NRXN1: variants seen among roughly 807,000 people sequenced by gnomAD.
NRXN1 encodes neurexin-1.
In NRXN1, 39 loss-of-function variants were observed where a neutral mutation model predicts 150.9. That is an observed-to-expected ratio of 0.26 (90% CI 0.20 to 0.34). The LOEUF (loss-of-function observed/expected upper bound fraction) is 0.34, where lower values mean the gene tolerates loss of function less well. Ranked by LOEUF, NRXN1 falls within the 10% of genes least tolerant of loss-of-function variation. The pLI, the probability that NRXN1 is intolerant of heterozygous loss-of-function variation, is 1.00. For missense variants in NRXN1, 1,815 were observed against 1,949.9 expected (o/e 0.93, Z 1.30); for synonymous variants, 924 against 757.0 (o/e 1.22, Z -3.62).
intron 21 of NRXN1, among the ~76,000 whole-genome samples, chr2:50,026,859 CTTTT>C (rs57580154): frequency 1.5e-4 from 10 of 65,230 alleles, no homozygotes; most frequent in African/African-American, 4.5e-4. Context: ...CTTTTCTTTT[CTTTT>C]TTTTTTTTTT....
At chr2:50,903,423 G>A (rs1574883053) in intron 5 of NRXN1, among the ~76,000 whole-genome samples, 2 of 152,108 alleles carry the variant, frequency 1.3e-5, no homozygotes, top group Admixed American at 1.3e-4. Flanking sequence ...CTATTATGTT[G>A]ATGGTCTTGG....
At chr2:50,909,031 G>A (rs909935295) in intron 5 of NRXN1, among the ~76,000 whole-genome samples, 1 of 151,948 alleles carries the variant, frequency 6.6e-6, no homozygotes, top group Non-Finnish European at 1.5e-5. Flanking sequence ...AATAAAGATG[G>A]GGTGGAGAAA....
chr2:50,325,102 A>G (rs1369390822), intron 17 of NRXN1, among the ~76,000 whole-genome samples: 1 of 152,212 alleles, frequency 6.6e-6, no homozygotes, highest in African/African-American at 2.4e-5. Flanking sequence ...AGAAGACCTA[A>G]CATTAAATTT....
intron 21 of NRXN1, among the ~76,000 whole-genome samples, chr2:50,009,861 C>T (rs748211872): frequency 2.0e-5 from 3 of 152,080 alleles, no homozygotes; most frequent in African/African-American, 7.2e-5. Context: ...TGCATAACTA[C>T]TGTAATCAAT....
chr2:49,992,412 C>CAAACAAAG (rs1429650858), intron 21 of NRXN1, among the ~76,000 whole-genome samples: 1 of 150,522 alleles, frequency 6.6e-6, no homozygotes, highest in Non-Finnish European at 1.5e-5. Context: ...CAAAAACAAA[C>CAAACAAAG]AAACAAACAA....
intron 19 of NRXN1, among the ~76,000 whole-genome samples, chr2:50,085,247 G>C (rs1698616504): frequency 6.6e-6 from 1 of 152,098 alleles, no homozygotes; most frequent in Admixed American, 6.6e-5. Flanking sequence ...GTTTAAGGAG[G>C]GATGTTGATT....
intron 19 of NRXN1, among the ~76,000 whole-genome samples, chr2:50,075,677 T>C (rs531373088): frequency 8.5e-5 from 13 of 152,350 alleles, no homozygotes; most frequent in African/African-American, 2.4e-4. Flanking sequence ...GTTTGAATGA[T>C]AATTTTTATG....
At chr2:50,349,477 C>T (rs2078263351) in intron 17 of NRXN1, among the ~76,000 whole-genome samples, 1 of 152,188 alleles carries the variant, frequency 6.6e-6, no homozygotes, top group African/African-American at 2.4e-5. Flanking sequence ...TTCAGGACTG[C>T]AGGTCCATAT....
At chr2:50,075,298 A>G (rs72891424) in intron 19 of NRXN1, among the ~76,000 whole-genome samples, 10,395 of 152,292 alleles carry the variant, frequency 0.068, 396 homozygotes, top group African/African-American at 0.1. Context: ...AGCAATTTTA[A>G]AAAGATAAAC....
intron 18 of NRXN1, among the ~76,000 whole-genome samples, chr2:50,217,615 C>G (rs958624077): frequency 6.6e-6 from 1 of 151,902 alleles, no homozygotes; most frequent in Non-Finnish European, 1.5e-5. Context: ...CGAATTATAA[C>G]AGGGGACCTA....
intron 12 of NRXN1, among the ~76,000 whole-genome samples, chr2:50,515,600 G>GGGGTGT (rs952552460): frequency 9.8e-5 from 14 of 143,510 alleles, no homozygotes; most frequent in African/African-American, 2.6e-4. Flanking sequence ...AAATGCTTGG[G>GGGGTGT]GTGTGTGTGT....
intron 19 of NRXN1, among the ~76,000 whole-genome samples, chr2:50,062,258 A>G (rs1192217912): frequency 1.3e-5 from 2 of 152,142 alleles, no homozygotes; most frequent in Non-Finnish European, 2.9e-5. Context: ...GGAGCTGATT[A>G]GGTCATGAGG....
At chr2:50,796,712 C>T (rs769030974) in intron 5 of NRXN1, among the ~76,000 whole-genome samples, 3 of 152,186 alleles carry the variant, frequency 2.0e-5, no homozygotes, top group Non-Finnish European at 2.9e-5. Context: ...TCCCGGCTCC[C>T]TCACATTAGT....
At chr2:50,390,852 G>A (rs977525320) in intron 17 of NRXN1, among the ~76,000 whole-genome samples, 3 of 152,018 alleles carry the variant, frequency 2.0e-5, no homozygotes, top group Non-Finnish European at 4.4e-5. Context: ...AGAACTGTAA[G>A]GAATAAATAT....
chr2:50,203,945 C>T (rs2062374493), intron 18 of NRXN1, among the ~76,000 whole-genome samples: 1 of 151,890 alleles, frequency 6.6e-6, no homozygotes, highest in Non-Finnish European at 1.5e-5. Context: ...TAATACAATC[C>T]AAATCTGAGA....
intron 8 of NRXN1, among the ~76,000 whole-genome samples, chr2:50,600,038 G>A (rs1034682997): frequency 3.9e-5 from 6 of 151,908 alleles, no homozygotes; most frequent in African/African-American, 1.4e-4. Flanking sequence ...ATAAAATTAG[G>A]AACAAAAATA....
At chr2:50,269,548 C>G (rs548101746) in intron 17 of NRXN1, among the ~76,000 whole-genome samples, 4 of 152,116 alleles carry the variant, frequency 2.6e-5, no homozygotes, top group Non-Finnish European at 5.9e-5. Context: ...ACTTTTTAAA[C>G]ATGTCAACAT....
At chr2:50,251,790 G>C (rs1005099260) in intron 17 of NRXN1, among the ~76,000 whole-genome samples, 2 of 152,132 alleles carry the variant, frequency 1.3e-5, no homozygotes, top group African/African-American at 4.8e-5. Flanking sequence ...CAGTGATGTT[G>C]AACGTTTTTT....
intron 19 of NRXN1, among the ~76,000 whole-genome samples, chr2:50,083,838 C>A (rs1698344168): frequency 6.6e-6 from 1 of 152,172 alleles, no homozygotes; most frequent in East Asian, 1.9e-4. Context: ...ATTTACAAAC[C>A]CTGAGCTAGA....
Sources: gnomAD v4.1 joint callset for allele counts (sites outside exome capture counted in the v4.1 genomes callset) on GRCh38, gnomAD v4.1.1 for gene constraint, MANE v1.5 for transcripts, NCBI Gene and HGNC (gene_info 2026-07-23, HGNC 2026-07-21) for gene names.